The following MNX1 variants were observed in gnomAD, a reference collection of about 807,000 sequenced individuals.
MNX1 encodes the protein motor neuron and pancreas homeobox protein 1.
MNX1 carries 2 observed loss-of-function variants against 17.3 expected under a neutral mutation model. That is an observed-to-expected ratio of 0.12 (90% CI 0.05 to 0.36). MNX1 has a LOEUF of 0.36. MNX1 is among the 10% of genes least tolerant of loss of function. The pLI, the probability that MNX1 is intolerant of heterozygous loss-of-function variation, is 1.00. For missense variants in MNX1, 556 were observed against 564.7 expected (o/e 0.98, Z 0.16); for synonymous variants, 306 against 283.1 (o/e 1.08, Z -0.81).
intron 1 of MNX1, chr7:157,007,600 G>A (rs1805629222): frequency 6.6e-6 from 1 of 152,272 alleles, no homozygotes; most frequent in South Asian, 2.1e-4. Flanking sequence ...GGTTCTCTGT[G>A]TGTTCAAGGA....
At position 157,010,128 on chromosome 7, in the gene MNX1, C is replaced by A. The variant is rs1805686854; in HGVS notation, c.223G>T (p.Ala75Ser). The A allele has an allele frequency of 3.9e-6, 4 of 1,015,474 alleles. No individual in the cohort carries two copies. Among genetic ancestry groups the A allele is most frequent in the Non-Finnish European group, 3.5e-6 (3 of 851,794 alleles). 62.9% of individuals were successfully genotyped at this position (1,015,474 alleles called of 1,614,324 possible). A position where few individuals can be genotyped will look rare whatever the true frequency, so the allele number is the denominator to read the frequency against. The part of the protein sequence containing the change: ...PPAAPADRLR[A>S]ESPSPPRLLA... ...AGGCGCGGCGGCGACGGGCTCTCGG[C>A]GCGCAGGCGGTCGGCGGGCGCAGCC... Residue 75 changes from alanine to serine, a missense_variant, in exon 1 of 3, where the codon GCC becomes TCC. By Grantham distance (99) the Ala-to-Ser change is moderately conservative. Around this residue, in one of 7 missense-constraint regions of MNX1, gnomAD observed 115 missense variants for 103.5 expected, o/e 1.11. Coordinates refer to ENST00000252971, the MANE Select transcript of MNX1 (RefSeq NM_005515.4).
chr7:157,010,020 C>A lies in MNX1; in HGVS notation c.331G>T (p.Gly111Trp). Residue 111 changes from glycine to tryptophan, a missense_variant, in exon 1 of 3, where the codon GGG becomes TGG. By Grantham distance (184) the Gly-to-Trp change is radical. Around this residue, in one of 7 missense-constraint regions of MNX1, gnomAD observed 115 missense variants for 103.5 expected, o/e 1.11. Coordinates refer to ENST00000252971, the MANE Select transcript of MNX1 (RefSeq NM_005515.4). ...GGATGCGCGTGGTGGTGGGGCCCCCCGTGCCCGCCGCCCGTGCCGCCGCCG... is the reference window on the plus strand; with the variant it reads ...GGATGCGCGTGGTGGTGGGGCCCCCAGTGCCCGCCGCCCGTGCCGCCGCCG... Reference protein sequence around the residue: ...GGGGGTGGGHGGPHHHAHPGA... With the variant: ...GGGGGTGGGHWGPHHHAHPGA... 1 of 985,278 alleles carries A rather than the reference C, an allele frequency of 1.0e-6. No homozygotes were observed. Among genetic ancestry groups the A allele is most frequent in the Non-Finnish European group, 1.2e-6 (1 of 835,642 alleles). The allele number at this position is 985,278 out of a possible 1,614,324, so 61.0% of individuals were successfully genotyped here.
At chr7:157,009,600 G>A (rs948395475) in intron 1 of MNX1, 60 bp downstream of exon 1, 1 of 1,579,642 alleles carries the variant, frequency 6.3e-7, no homozygotes, top group Non-Finnish European at 8.6e-7. Context: ...AGGCGGTGCC[G>A]GTGGAGGATG....
intron 1 of MNX1, chr7:157,008,738 C>T: frequency 2.0e-6 from 1 of 507,088 alleles, no homozygotes; most frequent in Non-Finnish European, 3.5e-6. Flanking sequence ...CGGCTGAAAG[C>T]GTTGAGCCAT....
intron 2 of MNX1, 122 bp from the exon 3 acceptor site, chr7:157,005,995 A>C: frequency 9.2e-7 from 1 of 1,092,094 alleles, no homozygotes; most frequent in Non-Finnish European, 1.3e-6. Flanking sequence ...CCTCAGGGTG[A>C]GACGACTTAG....
chr7:157,010,631 A>G lies in MNX1; in HGVS notation c.-281T>C, dbSNP rs900607491. On this transcript the variant is annotated 5_prime_UTR_variant, in exon 1 of 3. Coordinates refer to ENST00000252971, the MANE Select transcript of MNX1 (RefSeq NM_005515.4). ...CCCGGTTCTTTGCGCTGCAGCCCTC[A>G]GGCGACCGCGCGGAGGCCGCTGCCG... 3 of 244,626 alleles carry G rather than the reference A, an allele frequency of 1.2e-5. No individual in the cohort carries two copies. Among genetic ancestry groups the G allele is most frequent in the Non-Finnish European group, 2.4e-5 (3 of 126,116 alleles). 15.2% of individuals were successfully genotyped at this position (244,626 alleles called of 1,614,324 possible).
chr7:157,009,364 T>C, intron 1 of MNX1: 1 of 1,414,636 alleles, frequency 7.1e-7, no homozygotes, highest in Non-Finnish European at 9.2e-7. Context: ...GGCGACTTCC[T>C]TCTCCTGCAG....
chr7:157,005,699 C>T lies in MNX1; in HGVS notation c.1027G>A (p.Gly343Ser). The T allele has an allele frequency of 1.2e-6, 2 of 1,610,706 alleles. No homozygotes were observed. The highest frequency in any genetic ancestry group is 4.5e-5 in the East Asian group (2 of 44,828). The part of the protein sequence containing the change: ...LLGPPAPGDK[G>S]SGRRLRDLRD... ...AAGTCCCGCAGGCGGCGTCCGCTGC[C>T]CTTGTCTCCGGGCGCTGGCGGCCCC... The change falls in exon 3 of 3, where the codon GGC (glycine) becomes AGC (serine). Residue 343 changes from glycine (G) to serine (S), a missense_variant. Around this residue, in one of 7 missense-constraint regions of MNX1, gnomAD observed 178 missense variants for 155.2 expected, o/e 1.15. Transcript: ENST00000252971.
chr7:157,007,744 A>G (rs1157594418), intron 1 of MNX1: 1 of 152,300 alleles, frequency 6.6e-6, no homozygotes, highest in Non-Finnish European at 1.5e-5. Context: ...AGCAAAGGAA[A>G]GAAAGGAGGC....
At position 157,009,973 on chromosome 7, in the gene MNX1, G is replaced by A. The variant is rs1586595025; in HGVS notation, c.378C>T (p.Ala126=). The change falls in exon 1 of 3, where the codon GCC becomes GCT. Residue 126 remains alanine (A), a synonymous_variant. Coordinates refer to ENST00000252971, the MANE Select transcript of MNX1 (RefSeq NM_005515.4). Reference sequence around the variant, plus strand: ...CAGCGGCGGCGGCGGCGGCGGCGGCGGCGGCAGCGGCCGCTGCGCCCGGAT... The same window carrying A: ...CAGCGGCGGCGGCGGCGGCGGCGGCAGCGGCAGCGGCCGCTGCGCCCGGAT... The part of the protein sequence containing the change: ...HAHPGAAAAA[A]AAAAAAAAGG... The A allele has an allele frequency of 1.0e-6, 1 of 971,650 alleles. No individual in the cohort carries two copies. Among genetic ancestry groups the A allele is most frequent in the Non-Finnish European group, 1.2e-6 (1 of 827,114 alleles). 60.2% of individuals were successfully genotyped at this position (971,650 alleles called of 1,614,324 possible). A position where few individuals can be genotyped will look rare whatever the true frequency, so the allele number is the denominator to read the frequency against.
chr7:157,010,390 CGACGCGGCCG>C lies in MNX1; in HGVS notation c.-50_-41del, dbSNP rs1805693806. On this transcript the variant is annotated 5_prime_UTR_variant, in exon 1 of 3. Coordinates refer to ENST00000252971, the MANE Select transcript of MNX1 (RefSeq NM_005515.4). ...CTGGCGCTCAGGGCCCGGTGGCGGG[CGACGCGGCCG>C]TGTGCGGGCTCGCGGAGTCAGTGCG... The C allele has an allele frequency of 6.5e-7, 1 of 1,528,164 alleles. No homozygotes were observed. The highest frequency in any genetic ancestry group is 8.9e-7 in the Non-Finnish European group (1 of 1,127,794). The allele number at this position is 1,528,164 out of a possible 1,614,324, so 94.7% of individuals were successfully genotyped here.
Position 157,005,789 on chromosome 7 carries a change from G to A in MNX1, c.937C>T (p.Gln313Ter). Residue 313 changes from glutamine to a stop codon, truncating the protein, a stop_gained, in exon 3 of 3, where the codon CAG becomes TAG. Coordinates refer to ENST00000252971, the MANE Select transcript of MNX1 (RefSeq NM_005515.4). LOFTEE classifies it low-confidence loss of function (END_TRUNC). ...CCCGCGCCCCCGCCGCCGCCCTTCT[G>A]TTTCTCCGCTTCCTGCGCCGCCTGC... The part of the protein sequence containing the change: ...KEQAAQEAEK[Q>*]KGGGGGAGKG... 6.2e-7 allele frequency: 1 copy of A among 1,611,572 alleles called. No homozygotes were observed. The highest frequency in any genetic ancestry group is 2.2e-5 in the East Asian group (1 of 44,852).
chr7:157,010,516 G>T lies in MNX1; in HGVS notation c.-166C>A. ...CGGAAACTCAGCCGAGGGTGACCAT[G>T]GTCCCGGCGCCTCCTCCGTGCGGGC... On this transcript the variant is annotated 5_prime_UTR_variant, in exon 1 of 3. Transcript: ENST00000252971. 1 of 451,342 alleles carries T rather than the reference G, an allele frequency of 2.2e-6. No individual in the cohort carries two copies. The highest frequency in any genetic ancestry group is 3.9e-6 in the Non-Finnish European group (1 of 259,026). The allele number at this position is 451,342 out of a possible 1,614,324, so 28.0% of individuals were successfully genotyped here.
In MNX1 at chr7:157,006,341, T is replaced by C. The variant is rs1207144697; in HGVS notation, c.852+138A>G. 1.0e-6 allele frequency: 1 copy of C among 972,952 alleles called. No homozygotes were observed. Among genetic ancestry groups the C allele is most frequent in the African/African-American group, 1.6e-5 (1 of 61,104 alleles). 60.3% of individuals were successfully genotyped at this position (972,952 alleles called of 1,614,324 possible). On this transcript the variant is annotated intron_variant, in intron 2 of 2. Transcript: ENST00000252971. This position sits in a 1 kb window ranked among gnomAD's most constrained non-coding sequence, Gnocchi z 6.3. ...TACTGAATCGGCGCTCTGGGCACCT[T>C]AGATGAACCCGTGCGCCCGCCGTCT...
intron 1 of MNX1, 110 bp downstream of exon 1, chr7:157,009,550 C>T: frequency 6.6e-7 from 1 of 1,511,674 alleles, no homozygotes; most frequent in South Asian, 1.2e-5. Context: ...GGCTTCGCAG[C>T]TCTTCCCCCG....
intron 1 of MNX1, chr7:157,009,095 G>A (rs1805657760): frequency 3.9e-6 from 6 of 1,536,276 alleles, no homozygotes; most frequent in Non-Finnish European, 5.2e-6. Flanking sequence ...ATCGCACCCC[G>A]GATCCAACGC....
Position 157,005,794 on chromosome 7 carries a change from T to C in MNX1, c.932A>G (p.Glu311Gly), listed in dbSNP as rs745967168. The stretch of plus-strand genomic sequence containing the variant: ...GCCCCCGCCGCCGCCCTTCTGTTTC[T>C]CCGCTTCCTGCGCCGCCTGCTCTTT... Reference protein sequence around the residue: ...KAKEQAAQEAEKQKGGGGGAG... With the variant: ...KAKEQAAQEAGKQKGGGGGAG... Residue 311 changes from glutamate to glycine, a missense_variant, in exon 3 of 3, where the codon GAG becomes GGG. By Grantham distance (98) the Glu-to-Gly change is moderately conservative. Coordinates refer to ENST00000252971, the MANE Select transcript of MNX1 (RefSeq NM_005515.4). 6.2e-7 allele frequency: 1 copy of C among 1,611,574 alleles called. No homozygotes were observed.
intron 1 of MNX1, chr7:157,008,726 G>A (rs977362225): frequency 1.2e-5 from 6 of 484,164 alleles, no homozygotes; most frequent in African/African-American, 9.8e-5. Context: ...TTGGGTGTTC[G>A]GCGGCTGAAA....
At position 157,009,842 on chromosome 7, in the gene MNX1, G is replaced by C. The variant is rs746725337; in HGVS notation, c.509C>G (p.Ala170Gly). 76 of 1,511,758 alleles carry C rather than the reference G, an allele frequency of 5.0e-5. No individual in the cohort carries two copies. Among genetic ancestry groups the C allele is most frequent in the Non-Finnish European group, 2.5e-5 (29 of 1,138,094 alleles). The allele number at this position is 1,511,758 out of a possible 1,614,324, so 93.6% of individuals were successfully genotyped here. A position where few individuals can be genotyped will look rare whatever the true frequency, so the allele number is the denominator to read the frequency against. Residue 170 changes from alanine (A) to glycine (G), a missense_variant, in exon 1 of 3, where the codon GCG (alanine) becomes GGG (glycine). Coordinates refer to ENST00000252971, the MANE Select transcript of MNX1 (RefSeq NM_005515.4). ...GHPVYGYSAAAAAAALAGQHP... is the reference protein window; with the variant it reads ...GHPVYGYSAAGAAAALAGQHP... ...CTGGCCCGCCAGCGCAGCCGCCGCCGCCGCCGCGGAGTAGCCGTAGACCGG... is the reference window on the plus strand; with the variant it reads ...CTGGCCCGCCAGCGCAGCCGCCGCCCCCGCCGCGGAGTAGCCGTAGACCGG...
Sources: allele counts gnomAD v4.1 joint callset, GRCh38; gene constraint gnomAD v4.1.1; regional missense constraint gnomAD v4.1.1; non-coding constraint Gnocchi (gnomAD v3.1); transcripts MANE v1.5; gene names NCBI Gene and HGNC (gene_info 2026-07-23, HGNC 2026-07-21).